Variants in ADGRL2 observed in about 807,000 individuals in gnomAD.
The protein encoded by ADGRL2 is adhesion G protein-coupled receptor L2.
In ADGRL2, 44 loss-of-function variants were observed where a neutral mutation model predicts 157.4. That is an observed-to-expected ratio of 0.28 (90% confidence interval 0.22 to 0.36). The LOEUF is 0.36. Ranked by LOEUF, ADGRL2 falls within the 10% of genes least tolerant of loss-of-function variation. ADGRL2 has a pLI of 1.00. For missense variants in ADGRL2, 1,510 were observed against 1,768.9 expected (o/e 0.85, Z 2.63); for synonymous variants, 585 against 624.7 (o/e 0.94, Z 0.95).
intron 3 of ADGRL2, among the ~76,000 whole-genome samples, chr1:81,655,949 A>G (rs1479888799): frequency 6.6e-6 from 1 of 152,198 alleles, no homozygotes; most frequent in African/African-American, 2.4e-5. Flanking sequence ...TCAAAGGTTC[A>G]GGACTGCCAG....
intron 17 of ADGRL2, among the ~76,000 whole-genome samples, chr1:81,976,549 G>A (rs1660236543): frequency 1.3e-5 from 2 of 151,916 alleles, no homozygotes; most frequent in Non-Finnish European, 2.9e-5. Flanking sequence ...GTCTTTAAAG[G>A]AACTCACTTT....
At chr1:81,518,918 T>C (rs2079245289) in intron 2 of ADGRL2, among the ~76,000 whole-genome samples, 1 of 152,214 alleles carries the variant, frequency 6.6e-6, no homozygotes, top group Non-Finnish European at 1.5e-5. Context: ...GTTTAAAGCA[T>C]TACTTTTTTC....
At chr1:81,931,866 T>C (rs2095237374) in intron 3 of ADGRL2, among the ~76,000 whole-genome samples, 3 of 152,104 alleles carry the variant, frequency 2.0e-5, no homozygotes, top group Admixed American at 6.6e-5. Flanking sequence ...ACTCCTGGGC[T>C]CAAGAGATCC....
At chr1:81,822,473 A>G (rs2091085696) in intron 1 of ADGRL2, among the ~76,000 whole-genome samples, 1 of 151,666 alleles carries the variant, frequency 6.6e-6, no homozygotes, top group African/African-American at 2.4e-5. Flanking sequence ...TTGTACATTT[A>G]TATAATCCCT....
intron 2 of ADGRL2, among the ~76,000 whole-genome samples, chr1:81,850,142 A>G (rs1287137253): frequency 6.6e-6 from 1 of 151,974 alleles, no homozygotes. Context: ...CTGGAGCACA[A>G]TATTAAAAAA....
chr1:81,400,611 G>A (rs997350754), intron 1 of ADGRL2, among the ~76,000 whole-genome samples: 5 of 152,086 alleles, frequency 3.3e-5, no homozygotes, highest in African/African-American at 1.2e-4. Context: ...AGGGGATGAA[G>A]TGCTACATAA....
chr1:81,507,676 G>A (rs183308702), intron 2 of ADGRL2, among the ~76,000 whole-genome samples: 1 of 152,256 alleles, frequency 6.6e-6, no homozygotes, highest in Admixed American at 6.5e-5. Context: ...ACGATGATAG[G>A]GACTGGCATG....
At chr1:81,315,442 A>T (rs966258157) in intron 1 of ADGRL2, among the ~76,000 whole-genome samples, 1 of 152,150 alleles carries the variant, frequency 6.6e-6, no homozygotes, top group African/African-American at 2.4e-5. Flanking sequence ...GGGGTCTTTT[A>T]TAATGTCATT....
intron 3 of ADGRL2, among the ~76,000 whole-genome samples, chr1:81,655,772 C>T (rs1352585980): frequency 6.6e-6 from 1 of 151,668 alleles, no homozygotes; most frequent in East Asian, 2.0e-4. Flanking sequence ...AAACCATCAG[C>T]TGTGATCTCC....
chr1:81,327,357 T>C (rs1298179357), intron 1 of ADGRL2, among the ~76,000 whole-genome samples: 1 of 152,130 alleles, frequency 6.6e-6, no homozygotes, highest in Non-Finnish European at 1.5e-5. Flanking sequence ...AGATCAAATG[T>C]GATAATAAAG....
intron 1 of ADGRL2, among the ~76,000 whole-genome samples, chr1:81,704,893 T>C (rs897704377): frequency 1.3e-5 from 2 of 152,032 alleles, no homozygotes; most frequent in Admixed American, 1.3e-4. Flanking sequence ...CTGGATGACA[T>C]AGGGGTACTG....
Position 81,837,030 on chromosome 1 carries a change from G to C in ADGRL2, c.46G>C (p.Val16Leu), listed in dbSNP as rs376600105. 1 of 1,592,798 alleles carries C rather than the reference G, an allele frequency of 6.3e-7. No homozygotes were observed. Among genetic ancestry groups the C allele is most frequent in the Non-Finnish European group, 8.5e-7 (1 of 1,170,892 alleles). ...CRMRSLWFII[V>L]ISFLPNTEGF... Reference sequence around the variant, plus strand: ...AATGCGAAGTCTGTGGTTTATCATTGTAATCAGCTTCTTACCAAATACAGA... The same window carrying C: ...AATGCGAAGTCTGTGGTTTATCATTCTAATCAGCTTCTTACCAAATACAGA... Residue 16 changes from valine to leucine, a missense_variant, in exon 2 of 24, where the codon GTA becomes CTA. Transcript: ENST00000686636.
chr1:81,870,413 T>C (rs1448274209), intron 2 of ADGRL2, among the ~76,000 whole-genome samples: 1 of 152,060 alleles, frequency 6.6e-6, no homozygotes, highest in Non-Finnish European at 1.5e-5. Context: ...GAAAAAAATA[T>C]GAAACTTAAT....
At chr1:81,636,927 C>T (rs541928289) in intron 3 of ADGRL2, among the ~76,000 whole-genome samples, 3 of 152,112 alleles carry the variant, frequency 2.0e-5, no homozygotes, top group Non-Finnish European at 4.4e-5. Flanking sequence ...GCTGTGCTTC[C>T]CTGGTTCAAG....
chr1:81,430,884 T>C (rs1412997175), intron 1 of ADGRL2, among the ~76,000 whole-genome samples: 5 of 152,226 alleles, frequency 3.3e-5, no homozygotes, highest in Non-Finnish European at 7.3e-5. Flanking sequence ...TTGATTTGTT[T>C]ACTAATTTTG....
At chr1:81,737,838 G>T (rs1035654027) in intron 1 of ADGRL2, among the ~76,000 whole-genome samples, 2 of 152,084 alleles carry the variant, frequency 1.3e-5, no homozygotes, top group African/African-American at 4.8e-5. Flanking sequence ...TTAAAACAAC[G>T]CATGTCTCTT....
intron 1 of ADGRL2, among the ~76,000 whole-genome samples, chr1:81,398,351 T>A (rs1220155152): frequency 6.6e-6 from 1 of 152,220 alleles, no homozygotes; most frequent in Non-Finnish European, 1.5e-5. Context: ...TTTTGTTGTT[T>A]CCTGGTTGTT....
chr1:81,617,130 G>T (rs2081673750), intron 3 of ADGRL2, among the ~76,000 whole-genome samples: 1 of 152,242 alleles, frequency 6.6e-6, no homozygotes, highest in Non-Finnish European at 1.5e-5. Context: ...TAGGAACCTG[G>T]TTGCATGGCA....
intron 1 of ADGRL2, among the ~76,000 whole-genome samples, chr1:81,372,113 T>G (rs967223082): frequency 1.3e-5 from 2 of 152,160 alleles, no homozygotes; most frequent in Non-Finnish European, 2.9e-5. Flanking sequence ...CCATTGTTCA[T>G]GTGAAATAGG....
Sources: gnomAD v4.1 joint callset for allele counts (sites outside exome capture counted in the v4.1 genomes callset) on GRCh38, gnomAD v4.1.1 for gene constraint, MANE v1.5 for transcripts, NCBI Gene and HGNC (gene_info 2026-07-23, HGNC 2026-07-21) for gene names.